Variants in TFAP4 observed in about 807,000 individuals in gnomAD.
TFAP4 encodes activating enhancer-binding protein 4.
Under a neutral mutation model 40.4 loss-of-function variants are expected in TFAP4, and 7 were observed. That is an observed-to-expected ratio of 0.17 (90% confidence interval 0.10 to 0.33). TFAP4 has a LOEUF of 0.33. Ranked by LOEUF, TFAP4 falls within the 10% of genes least tolerant of loss-of-function variation. The pLI is 1.00. For synonymous variants in TFAP4, 218 were observed against 181.4 expected (o/e 1.20, Z -1.62); for missense variants, 374 against 451.1 (o/e 0.83, Z 1.55).
rs117388563 is a variant in TFAP4, at chr16:4,257,824, C to T, written c.*231G>A. 8.6e-5 allele frequency: 38 copies of T among 442,396 alleles called. No homozygotes were observed. In the East Asian group the frequency reaches 1.3e-3, roughly 15 times the overall value. The allele number at this position is 442,396 out of a possible 1,614,324, so 27.4% of individuals were successfully genotyped here. A position where few individuals can be genotyped will look rare whatever the true frequency, so the allele number is the denominator to read the frequency against. ...CCTCCAGCCCCCGGGGCCGAGGCCC[C>T]GCCCTGGGGTGCCGATGCTCCCACA... On this transcript the variant is annotated 3_prime_UTR_variant, in exon 7 of 7. Coordinates refer to ENST00000204517, the MANE Select transcript of TFAP4 (RefSeq NM_003223.3).
At chr16:4,266,340 GCTTAA>G (rs1362062715) in intron 1 of TFAP4, 1 of 152,172 alleles carries the variant, frequency 6.6e-6, no homozygotes, top group Non-Finnish European at 1.5e-5. Flanking sequence ...CTAACCTAGT[GCTTAA>G]CTTAGGTTAA....
intron 1 of TFAP4, chr16:4,263,783 T>TG (rs939250239): frequency 2.6e-5 from 4 of 152,844 alleles, no homozygotes; most frequent in African/African-American, 7.3e-5. Context: ...GGCTGCTGGC[T>TG]GGGGGCGTGG....
chr16:4,257,203 A>G lies in TFAP4; in HGVS notation c.*852T>C, dbSNP rs1037740840. 4 of 151,298 alleles carry G rather than the reference A, an allele frequency of 2.6e-5. No homozygotes were observed. The highest frequency in any genetic ancestry group is 4.4e-5 in the Non-Finnish European group (3 of 67,860). 9.4% of individuals were successfully genotyped at this position (151,298 alleles called of 1,614,324 possible). A position where few individuals can be genotyped will look rare whatever the true frequency, so the allele number is the denominator to read the frequency against. ...TCAGAATCTAAAAAACAAAGTACAA[A>G]CTTTATTTTGTTTCTTTACAAAGGC... On this transcript the variant is annotated 3_prime_UTR_variant, in exon 7 of 7. Transcript: ENST00000204517.
Position 4,262,335 on chromosome 16 carries a change from G to T in TFAP4, c.343C>A (p.Arg115Ser). 4 of 1,614,192 alleles carry T rather than the reference G, an allele frequency of 2.5e-6. No homozygotes were observed. The highest frequency in any genetic ancestry group is 1.1e-5 in the South Asian group (1 of 91,086). Residue 115 changes from arginine (R) to serine (S), a missense_variant, in exon 3 of 7, where the codon CGC (arginine) becomes AGC (serine). Arg to Ser is a moderately radical substitution (Grantham distance 110). Transcript: ENST00000204517. The part of the protein sequence containing the change: ...RLLQQNTQLK[R>S]FIQELSGSSP... The stretch of plus-strand genomic sequence containing the variant: ...AGGACAGGGCGCACCTGGATGAAGC[G>T]CTTGAGCTGTGTGTTCTGCTGCAAG...
At position 4,272,637 on chromosome 16, in the gene TFAP4, G is replaced by T. The variant is rs566293955; in HGVS notation, c.89+21C>A. The stretch of plus-strand genomic sequence containing the variant: ...GGGGCTGCAGTGGTAGGAAGGGGGT[G>T]GGGGGAGGAGGAGTACACACCTACA... On this transcript the variant is annotated intron_variant, in intron 1 of 6. Coordinates refer to ENST00000204517, the MANE Select transcript of TFAP4 (RefSeq NM_003223.3). The T allele has an allele frequency of 1.1e-5, 18 of 1,584,302 alleles. No homozygotes were observed. In the Admixed American group the frequency reaches 1.4e-4, roughly 12 times the overall value.
intron 3 of TFAP4, 133 bp from the exon 4 acceptor site, chr16:4,262,082 AC>A (rs1321245774): frequency 9.3e-7 from 1 of 1,074,148 alleles, no homozygotes; most frequent in African/African-American, 1.6e-5. Flanking sequence ...TGCAAGTCCA[AC>A]AAACCAGCCA....
intron 1 of TFAP4, 78 bp downstream of exon 1, chr16:4,272,580 G>C: frequency 8.5e-7 from 1 of 1,170,636 alleles, no homozygotes; most frequent in Non-Finnish European, 1.2e-6. Flanking sequence ...CCATGCGTGC[G>C]CACACGCGCG....
chr16:4,262,088 C>T, intron 3 of TFAP4, 139 bp from the exon 4 acceptor site: 1 of 1,020,242 alleles, frequency 9.8e-7, no homozygotes, highest in Non-Finnish European at 1.4e-6. Context: ...TCCAACAAAC[C>T]AGCCAAATGC....
At chr16:4,265,165 G>A (rs1040506288) in intron 1 of TFAP4, 1 of 152,154 alleles carries the variant, frequency 6.6e-6, no homozygotes, top group African/African-American at 2.4e-5. Flanking sequence ...CCCATGTAAA[G>A]AGGGGGGCAC....
rs556804686 is a variant in TFAP4 at position 4,260,506 on chromosome 16, C to T, written c.615G>A (p.Arg205=). 1 of 1,609,870 alleles carries T rather than the reference C, an allele frequency of 6.2e-7. No individual in the cohort carries two copies. The highest frequency in any genetic ancestry group is 1.3e-5 in the African/African-American group (1 of 74,970). The change falls in exon 5 of 7, where the codon AGG becomes AGA. Residue 205 remains arginine (R), a synonymous_variant. Transcript: ENST00000204517. ...GCTCCAGCTTCTCCTGGTGCAGCAG[C>T]CTCACCTGTTCCTGCTGCTGCTGCA... ...VQLQQQQEQV[R]LLHQEKLERE...
intron 1 of TFAP4, among the ~76,000 whole-genome samples, chr16:4,272,301 G>A (rs1303773350): frequency 6.6e-6 from 1 of 152,036 alleles, no homozygotes; most frequent in African/African-American, 2.4e-5. Flanking sequence ...GGAAGGAGAG[G>A]AAGGAAGCCG....
intron 4 of TFAP4, among the ~76,000 whole-genome samples, chr16:4,261,446 AT>A (rs148258464): frequency 0.17 from 25,149 of 144,492 alleles, 2,919 homozygotes; most frequent in African/African-American, 0.34. Context: ...CGCCCGGCTA[AT>A]TTTTTTTTTT....
intron 1 of TFAP4, among the ~76,000 whole-genome samples, chr16:4,270,158 C>G (rs1298973297): frequency 1.3e-5 from 2 of 151,816 alleles, no homozygotes; most frequent in African/African-American, 4.8e-5. Flanking sequence ...TTCTGGGTGA[C>G]AGAGTGAGAC....
chr16:4,261,719 G>T, intron 4 of TFAP4, 60 bp downstream of exon 4: 1 of 1,480,458 alleles, frequency 6.8e-7, no homozygotes, highest in Non-Finnish European at 8.9e-7. Flanking sequence ...CAAGAGGCGC[G>T]ACCCCAGGCT....
intron 6 of TFAP4, among the ~76,000 whole-genome samples, chr16:4,259,326 G>T (rs1354247047): frequency 1.3e-5 from 2 of 151,706 alleles, no homozygotes; most frequent in African/African-American, 4.8e-5. Context: ...TAGAGATGGG[G>T]TTTTCACCAT....
At position 4,260,613 on chromosome 16, in the gene TFAP4, TG is replaced by T; in HGVS notation, c.526-19del. ...GAGCGCACCTGGAGGCAGGACAACC[TG>T]GGCTCAGGGCCAAGGCCGGGAGCAC... On this transcript the variant is annotated intron_variant, in intron 4 of 6. Transcript: ENST00000204517. The T allele has an allele frequency of 1.3e-6, 2 of 1,578,208 alleles. No individual in the cohort carries two copies. The highest frequency in any genetic ancestry group is 1.7e-6 in the Non-Finnish European group (2 of 1,163,628).
rs990481984 is a variant in TFAP4 at position 4,261,912 on chromosome 16, T to A, written c.392A>T (p.Glu131Val). ...GGAGCCTATGCCTTCGTCCTTGTCC[T>A]CTGCCCGCCGTCGCTTGGGGGACGA... ...SGSSPKRRRAEDKDEGIGSPD... is the reference protein window; with the variant it reads ...SGSSPKRRRAVDKDEGIGSPD... The change falls in exon 4 of 7, where the codon GAG (glutamate) becomes GTG (valine). Residue 131 changes from glutamate to valine, a missense_variant. Glu to Val is a moderately radical substitution (Grantham distance 121). Around this residue, in one of 6 missense-constraint regions of TFAP4, gnomAD observed 51 missense variants for 91.1 expected, o/e 0.56. Coordinates refer to ENST00000204517, the MANE Select transcript of TFAP4 (RefSeq NM_003223.3). 1 of 1,612,118 alleles carries A rather than the reference T, an allele frequency of 6.2e-7. No homozygotes were observed. Among genetic ancestry groups the A allele is most frequent in the Non-Finnish European group, 8.5e-7 (1 of 1,179,386 alleles).
rs751032830 is a variant in TFAP4, at chr16:4,262,712, G to T, written c.90-11C>A. The stretch of plus-strand genomic sequence containing the variant: ...GGAATGTTGGCAAGGCTGCCAGAGA[G>T]GACAGGGACAGGCTCGGCCAAGGCG... On this transcript the variant is annotated splice_polypyrimidine_tract_variant and intron_variant, in intron 1 of 6. Transcript: ENST00000204517. The T allele has an allele frequency of 1.4e-5, 23 of 1,605,734 alleles. No homozygotes were observed. Among genetic ancestry groups the T allele is most frequent in the Non-Finnish European group, 1.9e-5 (22 of 1,179,546 alleles).
In TFAP4 at chr16:4,258,025, C is replaced by A; in HGVS notation, c.*30G>T. On this transcript the variant is annotated 3_prime_UTR_variant, in exon 7 of 7. Transcript: ENST00000204517. Reference sequence around the variant, plus strand: ...TGGCTGCCCCGGCTCCCTCCAGCCCCCAGAAGGGAGAGGAGGGCTGGGGGG... The same window carrying A: ...TGGCTGCCCCGGCTCCCTCCAGCCCACAGAAGGGAGAGGAGGGCTGGGGGG... 1.3e-6 allele frequency: 2 copies of A among 1,598,434 alleles called. No homozygotes were observed. Among genetic ancestry groups the A allele is most frequent in the Non-Finnish European group, 1.7e-6 (2 of 1,174,318 alleles).
Sources: gnomAD v4.1 joint callset for allele counts (sites outside exome capture counted in the v4.1 genomes callset) on GRCh38, gnomAD v4.1.1 for gene constraint, gnomAD v4.1.1 regional missense constraint, MANE v1.5 for transcripts, NCBI Gene and HGNC (gene_info 2026-07-23, HGNC 2026-07-21) for gene names.